C16orf46: variants seen among roughly 807,000 people sequenced by gnomAD.
C16orf46 encodes the protein chromosome 16 open reading frame 46.
In C16orf46, 7 loss-of-function variants were observed where a neutral mutation model predicts 5.5. The observed-to-expected ratio is 1.28, with a 90% CI of 0.73 to 2.40. C16orf46 has a LOEUF of 2.40. Among genes scored for constraint, C16orf46 ranks in the 30% most tolerant of loss-of-function variants. The pLI, the probability that C16orf46 is intolerant of heterozygous loss-of-function variation, is 0.00. For synonymous variants in C16orf46, 200 were observed against 184.1 expected, an observed-to-expected ratio of 1.09 and a Z score of -0.70; for missense variants, 614 against 476.0, an observed-to-expected ratio of 1.29 and a Z score of -2.70.
chr16:81,076,917 C>G (rs1358605032), intron 1 of C16orf46: 7 of 152,384 alleles, frequency 4.6e-5, no homozygotes, highest in Admixed American at 3.9e-4. Context: ...TCCCCGTCCT[C>G]CGTCTACCCA....
chr16:81,053,592 C>G lies in C16orf46; in HGVS notation c.*479G>C, dbSNP rs12149110. 2.6e-3 allele frequency: 401 copies of G among 152,978 alleles called. 1 individual carries two copies. The highest frequency in any genetic ancestry group is 4.0e-3 in the Non-Finnish European group (275 of 68,562). 9.5% of individuals were successfully genotyped at this position (152,978 alleles called of 1,614,324 possible). A position where few individuals can be genotyped will look rare whatever the true frequency, so the allele number is the denominator to read the frequency against. On this transcript the variant is annotated 3_prime_UTR_variant, in exon 4 of 4. Coordinates refer to the C16orf46 transcript ENST00000378611. ...GCATTCCAAAATAGTATAGTTTGAC[C>G]TATCAGAGACCACAGCCATGGCCCC...
rs189085945 is a variant in C16orf46 at position 81,065,752 on chromosome 16, G to A, written c.-39+441C>T. On this transcript the variant is annotated intron_variant, in intron 2 of 3. Transcript: ENST00000299578. The stretch of plus-strand genomic sequence containing the variant: ...TTCATTTTTTGTTTAGGAAGAGATC[G>A]GTACTTCTTATGACAAATCTGTTGA... 1.5e-4 allele frequency among the ~76,000 whole-genome samples: 23 copies of A among 152,174 alleles called. No individual in the cohort carries two copies. The East Asian group carries it at 3.1e-3, about 20-fold the overall frequency.
At chr16:81,056,881 C>T (rs576038073), downstream of C16orf46, among the ~76,000 whole-genome samples, 1 of 152,210 alleles carries the variant, frequency 6.6e-6, no homozygotes, top group East Asian at 1.9e-4. Flanking sequence ...AAGGCACCTG[C>T]TTGATCTATA....
At chr16:81,062,450 G>A (rs1392171852) in intron 3 of C16orf46, among the ~76,000 whole-genome samples, 1 of 152,138 alleles carries the variant, frequency 6.6e-6, no homozygotes, top group Non-Finnish European at 1.5e-5. Context: ...AAAACACTAA[G>A]CAACAGTATT....
At position 81,062,132 on chromosome 16, in the gene C16orf46, C is replaced by G; in HGVS notation, c.217G>C (p.Gly73Arg). ...GCAGCTGGAGAAGTCCTTCCCCACCCTTGGACCTGCAAATAAAGCGGCATG... is the reference window on the plus strand; with the variant it reads ...GCAGCTGGAGAAGTCCTTCCCCACCGTTGGACCTGCAAATAAAGCGGCATG... ...IGTGWEEAVQ[G>R]WGRTSPAACI... The change falls in exon 4 of 4, where the codon GGG becomes CGG. Residue 73 changes from glycine to arginine, a missense_variant. Gly to Arg is a moderately radical substitution (Grantham distance 125). Transcript: ENST00000299578. 1 of 1,567,704 alleles carries G rather than the reference C, an allele frequency of 6.4e-7. No homozygotes were observed. The highest frequency in any genetic ancestry group is 8.6e-7 in the Non-Finnish European group (1 of 1,161,404).
Position 81,062,158 on chromosome 16 carries a change from T to A in C16orf46, c.211-20A>T. 2 of 1,537,082 alleles carry A rather than the reference T, an allele frequency of 1.3e-6. No homozygotes were observed. The highest frequency in any genetic ancestry group is 2.3e-5 in the East Asian group (1 of 44,194). On this transcript the variant is annotated intron_variant, in intron 3 of 3. Transcript: ENST00000299578. ...TTGGACCTGCAAATAAAGCGGCATGTTACTCCTCCAGCTGAGGGGCCCAAA... is the reference window on the plus strand; with the variant it reads ...TTGGACCTGCAAATAAAGCGGCATGATACTCCTCCAGCTGAGGGGCCCAAA...
intron 1 of C16orf46, among the ~76,000 whole-genome samples, chr16:81,066,884 T>C (rs1299456747): frequency 6.6e-6 from 1 of 152,200 alleles, no homozygotes; most frequent in East Asian, 1.9e-4. Context: ...GATGTTGCCA[T>C]GGAGACGCAT....
At position 81,061,399 on chromosome 16, in the gene C16orf46, T is replaced by A; in HGVS notation, c.950A>T (p.Asn317Ile). Residue 317 changes from asparagine (N) to isoleucine (I), a missense_variant, in exon 4 of 4, where the codon AAC (asparagine) becomes ATC (isoleucine). By Grantham distance (149) the Asn-to-Ile change is moderately radical (BLOSUM62 -3). Coordinates refer to ENST00000299578, the MANE Select transcript of C16orf46 (RefSeq NM_152337.3). ...KNLACPPDPS[N>I]VRYLAALQLL... ...CTGCAAGGCAGCAAGGTAGCGAACG[T>A]TGCTGGGGTCTGGAGGGCACGCCAG... 3.1e-6 allele frequency: 5 copies of A among 1,614,148 alleles called. No individual in the cohort carries two copies. Among genetic ancestry groups the A allele is most frequent in the Non-Finnish European group, 4.2e-6 (5 of 1,180,026 alleles).
downstream of C16orf46, among the ~76,000 whole-genome samples, chr16:81,059,981 G>C (rs564129586): frequency 6.6e-6 from 1 of 151,726 alleles, no homozygotes; most frequent in Non-Finnish European, 1.5e-5. Context: ...GTAGAGATAG[G>C]GTTTCACCGT....
At chr16:81,072,119 G>T (rs1179065911) in intron 1 of C16orf46, 1 of 152,224 alleles carries the variant, frequency 6.6e-6, no homozygotes, top group Non-Finnish European at 1.5e-5. Flanking sequence ...ACAGCTTTGA[G>T]AAATGTCCCC....
chr16:81,074,094 T>C (rs949886361), intron 1 of C16orf46, among the ~76,000 whole-genome samples: 1 of 152,240 alleles, frequency 6.6e-6, no homozygotes, highest in African/African-American at 2.4e-5. Flanking sequence ...AATTAAGTCA[T>C]CCGCAAGCCT....
chr16:81,068,451 C>T (rs548342728), intron 1 of C16orf46, among the ~76,000 whole-genome samples: 4 of 152,142 alleles, frequency 2.6e-5, no homozygotes, highest in African/African-American at 7.2e-5. Context: ...AAGAGACCAC[C>T]CGACCAAGAA....
rs989531596 is a variant in C16orf46, at chr16:81,062,006, T to A, written c.343A>T (p.Thr115Ser). The A allele has an allele frequency of 2.5e-6, 4 of 1,613,950 alleles. No individual in the cohort carries two copies. In the African/African-American group the frequency reaches 5.3e-5, roughly 22 times the overall value. Reference sequence around the variant, plus strand: ...GGGCCCCCCTCAGTAGGAGGCTTGGTCTGGAGGCTCCAGTGGGAGAGGTTA... The same window carrying A: ...GGGCCCCCCTCAGTAGGAGGCTTGGACTGGAGGCTCCAGTGGGAGAGGTTA... ...CVNLSHWSLQTKPPTEGGPEK... is the reference protein window; with the variant it reads ...CVNLSHWSLQSKPPTEGGPEK... Residue 115 changes from threonine to serine, a missense_variant, in exon 4 of 4, where the codon ACC becomes TCC. By Grantham distance (58) the Thr-to-Ser change is moderately conservative (BLOSUM62 1). Coordinates refer to ENST00000299578, the MANE Select transcript of C16orf46 (RefSeq NM_152337.3).
chr16:81,070,314 A>C (rs1247590099), intron 1 of C16orf46, among the ~76,000 whole-genome samples: 1 of 152,188 alleles, frequency 6.6e-6, no homozygotes, highest in Non-Finnish European at 1.5e-5. Flanking sequence ...TTTATTGGGA[A>C]AGGCAAAGGA....
At chr16:81,068,703 C>T (rs908897255) in intron 1 of C16orf46, among the ~76,000 whole-genome samples, 5 of 150,202 alleles carry the variant, frequency 3.3e-5, no homozygotes, top group Admixed American at 1.4e-4. Flanking sequence ...TTCTTTGTAA[C>T]ATATATATAT....
intron 1 of C16orf46, among the ~76,000 whole-genome samples, chr16:81,073,922 T>A (rs979174516): frequency 6.6e-6 from 1 of 152,208 alleles, no homozygotes; most frequent in African/African-American, 2.4e-5. Flanking sequence ...ACTGGATGAC[T>A]TAGGAGATCT....
At position 81,068,703 on chromosome 16, in the gene C16orf46, C is replaced by CAT. The variant is rs370225955; in HGVS notation, c.-127-2424_-127-2423dup. Among the ~76,000 whole-genome samples, 685 of 150,304 alleles carry CAT rather than the reference C, an allele frequency of 4.6e-3. 4 individuals are homozygous for CAT. Among genetic ancestry groups the CAT allele is most frequent in the Middle Eastern group, 0.021 (6 of 290 alleles). ...GCATGAGCCCAGCCTTTCTTTGTAA[C>CAT]ATATATATATATTTTTTAGACCAAG... On this transcript the variant is annotated intron_variant, in intron 1 of 3. Transcript: ENST00000299578.
chr16:81,071,173 A>G (rs1167961590), intron 1 of C16orf46, among the ~76,000 whole-genome samples: 5 of 152,180 alleles, frequency 3.3e-5, no homozygotes, highest in Non-Finnish European at 7.3e-5. Flanking sequence ...TGAAAAGAAC[A>G]TTCCTACCTG....
At chr16:81,070,591 C>G (rs1242956738) in intron 1 of C16orf46, among the ~76,000 whole-genome samples, 2 of 152,140 alleles carry the variant, frequency 1.3e-5, no homozygotes, top group Non-Finnish European at 2.9e-5. Flanking sequence ...AATTAACCGT[C>G]TATATGCAAA....
Sources: gnomAD v4.1 joint callset for allele counts (sites outside exome capture counted in the v4.1 genomes callset) on GRCh38, gnomAD v4.1.1 for gene constraint, MANE v1.5 for transcripts, NCBI Gene and HGNC (gene_info 2026-07-23, HGNC 2026-07-21) for gene names.